Variants in FBXO9 observed in about 807,000 individuals in gnomAD.
FBXO9 encodes F-box protein 9, also known as F-box only protein 9.
FBXO9 carries 43 observed loss-of-function variants against 63.7 expected under a neutral mutation model. That is an observed-to-expected ratio of 0.67 (90% CI 0.53 to 0.87). The LOEUF is 0.87. Ranked by LOEUF, FBXO9 falls within the 40% of genes least tolerant of loss-of-function variation. The pLI, the probability that FBXO9 is intolerant of heterozygous loss-of-function variation, is 0.00. For missense variants in FBXO9, 442 were observed against 533.2 expected (o/e 0.83, Z 1.68); for synonymous variants, 156 against 171.7 (o/e 0.91, Z 0.72).
intron 7 of FBXO9, among the ~76,000 whole-genome samples, chr6:53,086,806 G>T (rs757089900): frequency 2.0e-5 from 3 of 152,168 alleles, no homozygotes; most frequent in Admixed American, 1.3e-4. Flanking sequence ...GGTCACTCAT[G>T]CCTGTAATCC....
chr6:53,090,263 G>A (rs1053749288), intron 7 of FBXO9, among the ~76,000 whole-genome samples: 4 of 152,200 alleles, frequency 2.6e-5, no homozygotes, highest in Non-Finnish European at 5.9e-5. Flanking sequence ...ACAAGCATGA[G>A]AACCTTATTT....
chr6:53,065,364 G>A (rs1562059967), upstream of FBXO9: 1 of 168,764 alleles, frequency 5.9e-6, no homozygotes, highest in Middle Eastern at 2.4e-3. Context: ...CGCGGGGATG[G>A]GTGGCCGGGC....
chr6:53,074,155 GCTGT>G (rs574318013), intron 3 of FBXO9, among the ~76,000 whole-genome samples: 8 of 152,170 alleles, frequency 5.3e-5, no homozygotes, highest in African/African-American at 1.9e-4. Flanking sequence ...TATTTTGAAT[GCTGT>G]CTAACATTCA....
chr6:53,085,611 A>G (rs1422494074), intron 7 of FBXO9, among the ~76,000 whole-genome samples: 1 of 151,870 alleles, frequency 6.6e-6, no homozygotes, highest in Non-Finnish European at 1.5e-5. Context: ...ATCTATACAA[A>G]TATAACTTTA....
intron 3 of FBXO9, 22 bp from the exon 4 acceptor site, chr6:53,076,464 T>C (rs546864290): frequency 2.7e-6 from 4 of 1,499,714 alleles, no homozygotes; most frequent in Non-Finnish European, 3.5e-6. Context: ...TTTTCAAAAA[T>C]TTTTACTTTA....
At chr6:53,078,234 G>T (rs138635827) in intron 4 of FBXO9, among the ~76,000 whole-genome samples, 287 of 152,196 alleles carry the variant, frequency 1.9e-3, no homozygotes, top group African/African-American at 6.5e-3. Flanking sequence ...CGGGAGGATC[G>T]CTTGAACCCA....
rs751217456 is a variant in FBXO9 at position 53,073,654 on chromosome 6, T to C, written c.249+15T>C. The C allele has an allele frequency of 2.0e-6, 3 of 1,493,890 alleles. No individual in the cohort carries two copies. The South Asian group carries it at 3.9e-5, about 19-fold the overall frequency. 92.5% of individuals were successfully genotyped at this position (1,493,890 alleles called of 1,614,324 possible). A position where few individuals can be genotyped will look rare whatever the true frequency, so the allele number is the denominator to read the frequency against. Reference sequence around the variant, plus strand: ...AAGAAGAAAAGTTAAGTATTATAGATATTGTAACAAATTACATTTTTTTTT... The same window carrying C: ...AAGAAGAAAAGTTAAGTATTATAGACATTGTAACAAATTACATTTTTTTTT... On this transcript the variant is annotated intron_variant, in intron 3 of 12. Transcript: ENST00000323557.
Position 53,093,958 on chromosome 6 carries a change from A to G in FBXO9, c.1033A>G (p.Ile345Val), listed in dbSNP as rs1763127484. The part of the protein sequence containing the change: ...TDNQTKVFAV[I>V]TKKKEEKPLD... Reference sequence around the variant, plus strand: ...CAATCAGACCAAAGTATTTGCTGTAATAACTAAGAAAAAAGAAGAAGTGAG... The same window carrying G: ...CAATCAGACCAAAGTATTTGCTGTAGTAACTAAGAAAAAAGAAGAAGTGAG... Residue 345 changes from isoleucine (I) to valine (V), a missense_variant, in exon 11 of 13, where the codon ATA becomes GTA. By Grantham distance (29) the Ile-to-Val change is conservative (BLOSUM62 3). Around this residue, in one of 2 missense-constraint regions of FBXO9, gnomAD observed 262 missense variants for 362.1 expected, o/e 0.72. Transcript: ENST00000323557. 6.4e-7 allele frequency: 1 copy of G among 1,551,414 alleles called. No individual in the cohort carries two copies. Among genetic ancestry groups the G allele is most frequent in the Non-Finnish European group, 8.7e-7 (1 of 1,146,804 alleles).
chr6:53,080,940 C>T (rs758641827), intron 5 of FBXO9, 28 bp from the exon 6 acceptor site: 3 of 1,612,420 alleles, frequency 1.9e-6, no homozygotes, highest in Non-Finnish European at 2.5e-6. Context: ...GACTGAGGCA[C>T]TTAATTTATT....
intron 7 of FBXO9, 51 bp downstream of exon 7, chr6:53,082,669 G>A: frequency 7.8e-7 from 1 of 1,281,418 alleles, no homozygotes; most frequent in Non-Finnish European, 1.1e-6. Context: ...ATGGTGAAAA[G>A]AAAGATGGTC....
chr6:53,095,483 A>G, intron 11 of FBXO9, 30 bp from the exon 12 acceptor site: 5 of 1,579,806 alleles, frequency 3.2e-6, no homozygotes, highest in East Asian at 4.5e-5. Context: ...GTAAGGTTTC[A>G]TTATAACTTA....
At chr6:53,085,979 G>A (rs751161456) in intron 7 of FBXO9, among the ~76,000 whole-genome samples, 5 of 151,960 alleles carry the variant, frequency 3.3e-5, no homozygotes, top group East Asian at 1.9e-4. Flanking sequence ...GAGAAACCCC[G>A]TCGCTACTAA....
chr6:53,094,375 A>C (rs918338810), intron 11 of FBXO9, among the ~76,000 whole-genome samples: 5 of 152,188 alleles, frequency 3.3e-5, no homozygotes, highest in African/African-American at 1.2e-4. Context: ...TTTCTACTGG[A>C]AATAACCTAA....
chr6:53,082,022 T>C (rs1769331827), intron 6 of FBXO9, among the ~76,000 whole-genome samples: 1 of 152,120 alleles, frequency 6.6e-6, no homozygotes, highest in Non-Finnish European at 1.5e-5. Context: ...TGAGCTGAGA[T>C]TGTATCACTG....
intron 1 of FBXO9, chr6:53,066,161 A>G (rs1768691479): frequency 6.7e-6 from 7 of 1,049,028 alleles, no homozygotes; most frequent in Non-Finnish European, 8.0e-6. Context: ...GTAAGCTGTC[A>G]CAGCGCCTGA....
chr6:53,082,435 A>C, intron 6 of FBXO9, 69 bp from the exon 7 acceptor site: 1 of 984,320 alleles, frequency 1.0e-6, no homozygotes, highest in Middle Eastern at 2.1e-4. Flanking sequence ...GTATAAATGT[A>C]CTGGGAATGT....
intron 3 of FBXO9, among the ~76,000 whole-genome samples, chr6:53,074,942 A>C (rs1309318298): frequency 2.0e-5 from 3 of 152,176 alleles, no homozygotes; most frequent in Admixed American, 2.0e-4. Context: ...TCATGAACAT[A>C]ATTTTCACTT....
At chr6:53,077,346 G>A (rs1769150211) in intron 4 of FBXO9, among the ~76,000 whole-genome samples, 1 of 150,804 alleles carries the variant, frequency 6.6e-6, no homozygotes, top group Non-Finnish European at 1.5e-5. Context: ...AGTGGCGGGC[G>A]CCTGTAGTCC....
At chr6:53,090,478 C>T (rs1357016911) in intron 7 of FBXO9, among the ~76,000 whole-genome samples, 1 of 152,124 alleles carries the variant, frequency 6.6e-6, no homozygotes, top group African/African-American at 2.4e-5. Flanking sequence ...TTCCCCACTC[C>T]CACTGCTTAA....
Sources: gnomAD v4.1 joint callset for allele counts (sites outside exome capture counted in the v4.1 genomes callset) on GRCh38, gnomAD v4.1.1 for gene constraint, gnomAD v4.1.1 regional missense constraint, MANE v1.5 for transcripts, NCBI Gene and HGNC (gene_info 2026-07-23, HGNC 2026-07-21) for gene names.